The following DENND4A variants were observed in gnomAD, a reference collection of about 807,000 sequenced individuals.
DENND4A encodes the protein C-myc promoter-binding protein.
In DENND4A, 70 loss-of-function variants were observed where a neutral mutation model predicts 199.3. The ratio of observed to expected loss-of-function variants is 0.35; its 90% CI spans 0.29 to 0.43. The LOEUF is 0.43. Ranked by LOEUF, DENND4A falls within the 20% of genes least tolerant of loss-of-function variation. DENND4A has a pLI of 1.00. For missense variants in DENND4A, 1,723 were observed against 2,255.8 expected (o/e 0.76, Z 4.78); for synonymous variants, 686 against 766.9 (o/e 0.89, Z 1.74).
chr15:65,735,643 T>A (rs914612528), intron 7 of DENND4A, among the ~76,000 whole-genome samples: 1 of 152,224 alleles, frequency 6.6e-6, no homozygotes, highest in African/African-American at 2.4e-5. Context: ...TGTACATTTT[T>A]AAAATTCTGT....
At chr15:65,702,282 A>G (rs1257942566) in intron 17 of DENND4A, 23 bp downstream of exon 17, 5 of 1,535,524 alleles carry the variant, frequency 3.3e-6, no homozygotes, top group Non-Finnish European at 4.4e-6. Context: ...AAAATAAAAT[A>G]ACAACAATAA....
chr15:65,768,938 G>A (rs1380350525), intron 1 of DENND4A, among the ~76,000 whole-genome samples: 1 of 151,574 alleles, frequency 6.6e-6, no homozygotes, highest in African/African-American at 2.4e-5. Flanking sequence ...AGGTTGCAGT[G>A]AGCTGAGATC....
chr15:65,718,128 G>A (rs982040069), intron 12 of DENND4A, 132 bp from the exon 13 acceptor site: 25 of 664,126 alleles, frequency 3.8e-5, no homozygotes, highest in Non-Finnish European at 5.2e-5. Flanking sequence ...TTAATCATAC[G>A]TAAACCTTAG....
At position 65,752,281 on chromosome 15, in the gene DENND4A, C is replaced by CAAAAA. The variant is rs61418354; in HGVS notation, c.561+93_561+97dup. The CAAAAA allele has an allele frequency of 3.5e-4, 95 of 272,682 alleles. 4 individuals are homozygous for CAAAAA. In the African/African-American group the frequency reaches 3.6e-3, roughly 10 times the overall value. 16.9% of individuals were successfully genotyped at this position (272,682 alleles called of 1,614,324 possible). On this transcript the variant is annotated intron_variant, in intron 4 of 32. Coordinates refer to ENST00000443035, the MANE Select transcript of DENND4A (RefSeq NM_001320835.1). The stretch of plus-strand genomic sequence containing the variant: ...TCTGTAATTAAACTATGCTGTTTTC[C>CAAAAA]AAAAAAAAAAAAAAAAAAAAAAAAA...
At chr15:65,692,786 T>A (rs2077016944) in intron 22 of DENND4A, among the ~76,000 whole-genome samples, 1 of 152,144 alleles carries the variant, frequency 6.6e-6, no homozygotes, top group East Asian at 1.9e-4. Flanking sequence ...TGGAGGAATC[T>A]TGTAACCAAA....
chr15:65,775,162 T>A (rs1328222712), intron 1 of DENND4A, among the ~76,000 whole-genome samples: 1 of 151,952 alleles, frequency 6.6e-6, no homozygotes, highest in Non-Finnish European at 1.5e-5. Context: ...ATTAGAAAAA[T>A]TTGAGACCCC....
intron 20 of DENND4A, among the ~76,000 whole-genome samples, chr15:65,698,346 T>C (rs2077224602): frequency 6.6e-6 from 1 of 152,204 alleles, no homozygotes; most frequent in Admixed American, 6.5e-5. Context: ...GCATCATTTT[T>C]AGAAAATCGT....
chr15:65,734,634 A>G (rs2076061104), intron 7 of DENND4A, among the ~76,000 whole-genome samples: 1 of 152,176 alleles, frequency 6.6e-6, no homozygotes, highest in African/African-American at 2.4e-5. Flanking sequence ...TAAAGTACTC[A>G]TAATCTAAAC....
At chr15:65,697,187 A>G in intron 21 of DENND4A, 80 bp downstream of exon 21, 1 of 894,868 alleles carries the variant, frequency 1.1e-6, no homozygotes, top group Non-Finnish European at 1.7e-6. Flanking sequence ...AAGTAAAACC[A>G]GCACTTTTAT....
At chr15:65,746,369 CTTTTTTTTTTTTTTTTTTTTT>C (rs573935476) in intron 4 of DENND4A, among the ~76,000 whole-genome samples, 41 of 51,274 alleles carry the variant, frequency 8.0e-4, no homozygotes, top group Admixed American at 2.0e-3. Flanking sequence ...ACTTTTTTCT[CTTTTTTTTTTTTTTTTTTTTT>C]TTTTTTTTTT....
intron 4 of DENND4A, among the ~76,000 whole-genome samples, chr15:65,742,677 G>C (rs1319208775): frequency 6.6e-6 from 1 of 152,200 alleles, no homozygotes; most frequent in Non-Finnish European, 1.5e-5. Context: ...GACCTCAGGT[G>C]ATCTGTCCGC....
At chr15:65,764,406 G>A (rs2076928406) in intron 1 of DENND4A, among the ~76,000 whole-genome samples, 1 of 152,124 alleles carries the variant, frequency 6.6e-6, no homozygotes, top group South Asian at 2.1e-4. Flanking sequence ...AGAGGTGGGA[G>A]GATCACTTGA....
chr15:65,668,601 G>A (rs927018113), intron 27 of DENND4A, among the ~76,000 whole-genome samples: 2 of 152,090 alleles, frequency 1.3e-5, no homozygotes, highest in African/African-American at 4.8e-5. Context: ...TGGGTGGATT[G>A]CCTGAGGTCA....
Position 65,667,675 on chromosome 15 carries a change from G to C in DENND4A, c.5015C>G (p.Pro1672Arg), listed in dbSNP as rs2076084627. 1 of 1,613,648 alleles carries C rather than the reference G, an allele frequency of 6.2e-7. No individual in the cohort carries two copies. The highest frequency in any genetic ancestry group is 1.3e-5 in the African/African-American group (1 of 74,912). ...TDSLGLEWHL[P>R]SPDPVTVPYL... ...CGGAACAGTGACAGGATCGGGACTT[G>C]GAAGGTGCCATTCTAAACCTAAAGA... is the stretch of plus-strand genomic sequence containing the variant. Residue 1672 changes from proline (P) to arginine (R), a missense_variant, in exon 29 of 33, where the codon CCA becomes CGA. Coordinates refer to ENST00000443035, the MANE Select transcript of DENND4A (RefSeq NM_001320835.1).
chr15:65,775,992 G>T (rs1002344237), intron 1 of DENND4A, among the ~76,000 whole-genome samples: 1 of 152,056 alleles, frequency 6.6e-6, no homozygotes, highest in Non-Finnish European at 1.5e-5. Context: ...TGTAATATTG[G>T]AGACCTGCTC....
chr15:65,688,808 T>C (rs2076878915), intron 23 of DENND4A, among the ~76,000 whole-genome samples: 1 of 152,232 alleles, frequency 6.6e-6, no homozygotes, highest in African/African-American at 2.4e-5. Context: ...TAAACTCATT[T>C]CTGTGTTGGT....
At chr15:65,687,398 C>A (rs1418513946) in intron 23 of DENND4A, among the ~76,000 whole-genome samples, 1 of 150,234 alleles carries the variant, frequency 6.7e-6, no homozygotes, top group East Asian at 1.9e-4. Flanking sequence ...TTTTTCTTTT[C>A]TTTTTTTTTC....
chr15:65,698,657 T>C (rs2077238462), intron 20 of DENND4A, among the ~76,000 whole-genome samples: 1 of 149,626 alleles, frequency 6.7e-6, no homozygotes, highest in Admixed American at 6.7e-5. Context: ...GAATTATAAA[T>C]AGAAAAATCT....
At chr15:65,725,540 G>A (rs1269355045) in intron 11 of DENND4A, among the ~76,000 whole-genome samples, 1 of 152,066 alleles carries the variant, frequency 6.6e-6, no homozygotes, top group Non-Finnish European at 1.5e-5. Flanking sequence ...AGCCAGGTAT[G>A]GTGGCGGGCA....
Sources: allele counts gnomAD v4.1 joint callset (sites outside exome capture counted in the v4.1 genomes callset), GRCh38; gene constraint gnomAD v4.1.1; transcripts MANE v1.5; gene names NCBI Gene and HGNC (gene_info 2026-07-23, HGNC 2026-07-21).